Variants in CCDC18 observed in about 807,000 individuals in gnomAD.
CCDC18 encodes the protein coiled-coil domain-containing protein 18.
Under a neutral mutation model 196.0 loss-of-function variants are expected in CCDC18, and 157 were observed. The observed-to-expected ratio is 0.80, with a 90% CI of 0.70 to 0.91. The LOEUF (loss-of-function observed/expected upper bound fraction) is 0.91, where lower values mean the gene tolerates loss of function less well. Ranked by LOEUF, CCDC18 falls within the 40% of genes least tolerant of loss-of-function variation. CCDC18 has a pLI of 0.00. For missense variants in CCDC18, 1,465 were observed against 1,611.6 expected (o/e 0.91, Z 1.56); for synonymous variants, 482 against 529.2 (o/e 0.91, Z 1.22).
chr1:93,189,719 A>G (rs1047830125), intron 4 of CCDC18, among the ~76,000 whole-genome samples: 4 of 151,984 alleles, frequency 2.6e-5, no homozygotes, highest in African/African-American at 9.7e-5. Flanking sequence ...CTGAAGTGCA[A>G]TGGTGCAATC....
At chr1:93,184,983 A>T (rs888814332) in intron 3 of CCDC18, among the ~76,000 whole-genome samples, 1 of 151,980 alleles carries the variant, frequency 6.6e-6, no homozygotes, top group African/African-American at 2.4e-5. Context: ...AACAATAATG[A>T]TAATGCCGAT....
At chr1:93,205,652 A>C in intron 8 of CCDC18, 21 bp downstream of exon 8, 2 of 1,568,398 alleles carry the variant, frequency 1.3e-6, no homozygotes, top group Non-Finnish European at 1.7e-6. Flanking sequence ...CTGTTGTAGA[A>C]AAAGGATTTT....
At chr1:93,220,993 G>A (rs1230660511) in intron 14 of CCDC18, among the ~76,000 whole-genome samples, 1 of 152,198 alleles carries the variant, frequency 6.6e-6, no homozygotes, top group Non-Finnish European at 1.5e-5. Flanking sequence ...GTATTCCATA[G>A]TATGTATGTA....
intron 23 of CCDC18, among the ~76,000 whole-genome samples, chr1:93,247,459 G>A (rs557501026): frequency 2.9e-4 from 44 of 151,920 alleles, no homozygotes; most frequent in African/African-American, 9.2e-4. Flanking sequence ...CTGTCATCTG[G>A]GCTGGAGTGC....
intron 13 of CCDC18, among the ~76,000 whole-genome samples, chr1:93,217,007 T>TC (rs1329687906): frequency 1.3e-5 from 2 of 149,122 alleles, no homozygotes; most frequent in Non-Finnish European, 3.0e-5. Flanking sequence ...TGATCTCGGC[T>TC]CACTGCAAGC....
At chr1:93,267,608 A>G (rs1664701782) in intron 27 of CCDC18, among the ~76,000 whole-genome samples, 1 of 152,234 alleles carries the variant, frequency 6.6e-6, no homozygotes, top group South Asian at 2.1e-4. Flanking sequence ...TACAAAATCA[A>G]TGTGCAAAAA....
chr1:93,277,054 T>C (rs1665661028), intron 28 of CCDC18, among the ~76,000 whole-genome samples: 1 of 107,204 alleles, frequency 9.3e-6, no homozygotes. Context: ...ACAAAGGTCT[T>C]TGCATCATAG....
At position 93,212,254 on chromosome 1, in the gene CCDC18, T is replaced by A; in HGVS notation, c.1488T>A (p.His496Gln). The change falls in exon 11 of 29, where the codon CAT (histidine) becomes CAA (glutamine). Residue 496 changes from histidine to glutamine, a missense_variant. By Grantham distance (24) the His-to-Gln change is conservative. Coordinates refer to ENST00000690025, the MANE Select transcript of CCDC18 (RefSeq NM_001378204.1). The stretch of plus-strand genomic sequence containing the variant: ...CAGAACCTGTAAAGCTAGGTGGTCA[T>A]CAAGTAGGTAAGTATATTGAGTTAT... ...LETEPVKLGG[H>Q]QVAESVKDQN... 1 of 1,574,238 alleles carries A rather than the reference T, an allele frequency of 6.4e-7. No homozygotes were observed. Among genetic ancestry groups the A allele is most frequent in the Non-Finnish European group, 8.6e-7 (1 of 1,162,140 alleles).
intron 28 of CCDC18, among the ~76,000 whole-genome samples, chr1:93,274,245 A>C (rs1382626605): frequency 6.6e-6 from 1 of 151,960 alleles, no homozygotes; most frequent in Non-Finnish European, 1.5e-5. Context: ...TCTACTAAAA[A>C]CACAAAAATT....
intron 27 of CCDC18, among the ~76,000 whole-genome samples, chr1:93,266,625 C>T (rs985675508): frequency 1.3e-5 from 2 of 152,040 alleles, no homozygotes; most frequent in Admixed American, 1.3e-4. Flanking sequence ...ACCACTGATC[C>T]CATAGAAATA....
chr1:93,241,484 G>T (rs191805417), intron 21 of CCDC18, among the ~76,000 whole-genome samples: 2,309 of 152,036 alleles, frequency 0.015, 28 homozygotes, highest in Non-Finnish European at 0.023. Flanking sequence ...AACACTTTGG[G>T]AGGCCGAGAC....
intron 27 of CCDC18, among the ~76,000 whole-genome samples, chr1:93,267,575 A>G (rs553709681): frequency 6.6e-6 from 1 of 152,036 alleles, no homozygotes; most frequent in South Asian, 2.1e-4. Context: ...CCTTAAGCTG[A>G]TAACTTCAGC....
chr1:93,180,245 C>A (rs774905565), upstream of CCDC18: 1 of 1,604,824 alleles, frequency 6.2e-7, no homozygotes, highest in East Asian at 2.3e-5. Context: ...TCGCCCATCC[C>A]TGCTGGGGCG....
chr1:93,226,217 G>A, intron 16 of CCDC18, 116 bp from the exon 17 acceptor site: 4 of 527,892 alleles, frequency 7.6e-6, no homozygotes, highest in Non-Finnish European at 1.4e-5. Flanking sequence ...TATATCCTAA[G>A]TAGGACTGTA....
At chr1:93,188,038 A>T (rs1259393265) in intron 4 of CCDC18, among the ~76,000 whole-genome samples, 1 of 152,222 alleles carries the variant, frequency 6.6e-6, no homozygotes, top group African/African-American at 2.4e-5. Context: ...ATAATTTAAT[A>T]ACTACGAACT....
At chr1:93,270,274 T>G in intron 27 of CCDC18, 73 bp from the exon 28 acceptor site, 1 of 816,676 alleles carries the variant, frequency 1.2e-6, no homozygotes. Flanking sequence ...TCTAAAAGTC[T>G]ATGATTTTCT....
At chr1:93,186,563 T>G in intron 4 of CCDC18, 60 bp downstream of exon 4, 1 of 1,385,978 alleles carries the variant, frequency 7.2e-7, no homozygotes, top group Admixed American at 2.2e-5. Flanking sequence ...GATTTATAAT[T>G]GGAAAAATAT....
intron 6 of CCDC18, among the ~76,000 whole-genome samples, 159 bp from the exon 7 acceptor site, chr1:93,201,733 A>G (rs150654447): frequency 6.6e-6 from 1 of 152,240 alleles, no homozygotes; most frequent in East Asian, 1.9e-4. Flanking sequence ...AGTATGATCT[A>G]CATTCTTCAT....
intron 7 of CCDC18, 135 bp downstream of exon 7, chr1:93,202,123 A>G (rs1653933100): frequency 7.3e-6 from 4 of 547,408 alleles, no homozygotes; most frequent in Non-Finnish European, 1.3e-5. Flanking sequence ...ATTTAAATAA[A>G]CAATTTGTAA....
Sources: allele counts gnomAD v4.1 joint callset (sites outside exome capture counted in the v4.1 genomes callset), GRCh38; gene constraint gnomAD v4.1.1; transcripts MANE v1.5; gene names NCBI Gene and HGNC (gene_info 2026-07-23, HGNC 2026-07-21).